APBB2: variants seen among roughly 807,000 people sequenced by gnomAD.
APBB2 encodes Fe65-like 1.
In APBB2, 38 loss-of-function variants were observed where a neutral mutation model predicts 82.5. The observed-to-expected ratio is 0.46, with a 90% CI of 0.36 to 0.60. APBB2 has a LOEUF of 0.60. Ranked by LOEUF, APBB2 falls within the 20% of genes least tolerant of loss-of-function variation. The probability of loss-of-function intolerance (pLI) is 0.00; values close to 1 mark genes in which losing one functional copy is unlikely to be tolerated. For synonymous variants in APBB2, 341 were observed against 368.2 expected (o/e 0.93, Z 0.85); for missense variants, 772 against 972.3 (o/e 0.79, Z 2.74).
At chr4:41,071,127 T>TC (rs778893538) in intron 3 of APBB2, among the ~76,000 whole-genome samples, 18 of 152,234 alleles carry the variant, frequency 1.2e-4, no homozygotes, top group Non-Finnish European at 2.2e-4. Flanking sequence ...AGCCACTAGT[T>TC]CTACAATGCT....
chr4:41,015,290 G>C (rs982440916), intron 5 of APBB2, among the ~76,000 whole-genome samples: 1 of 152,186 alleles, frequency 6.6e-6, no homozygotes, highest in South Asian at 2.1e-4. Flanking sequence ...AGGTTTCTTA[G>C]ACTAGAAGGG....
intron 4 of APBB2, among the ~76,000 whole-genome samples, chr4:41,039,833 C>CT (rs1720652466): frequency 1.3e-5 from 1 of 77,872 alleles, no homozygotes; most frequent in Non-Finnish European, 2.8e-5. Flanking sequence ...GAGACCTTGT[C>CT]TCAAAAAAAA....
intron 1 of APBB2, among the ~76,000 whole-genome samples, chr4:41,211,958 T>TA (rs1779429523): frequency 6.6e-6 from 1 of 152,146 alleles, no homozygotes; most frequent in African/African-American, 2.4e-5. Flanking sequence ...ATCACCTAGG[T>TA]ATTAAGCCCA....
chr4:40,880,685 C>G lies in APBB2; in HGVS notation c.1529+9679G>C, dbSNP rs149489705. The G allele has an allele frequency of 2.8e-4, 280 of 985,436 alleles. 1 individual carries two copies. The African/African-American group carries it at 4.5e-3, about 16-fold the overall frequency. The allele number at this position is 985,436 out of a possible 1,614,324, so 61.0% of individuals were successfully genotyped here. On this transcript the variant is annotated intron_variant, in intron 12 of 17. Transcript: ENST00000508593. The stretch of plus-strand genomic sequence containing the variant: ...TCAAACATGATAGATCTCCCTCGCT[C>G]TGCATCCAGAAAGGCCCATCCTTTG...
intron 17 of APBB2, among the ~76,000 whole-genome samples, chr4:40,821,072 G>A (rs1035678651): frequency 1.3e-5 from 2 of 152,048 alleles, no homozygotes; most frequent in African/African-American, 4.8e-5. Context: ...TCTCCATTTG[G>A]TCAGGCTGGT....
rs57253600 is a variant in APBB2, at chr4:40,864,290, A to AC, written c.1529+26073_1529+26074insG. ...ACAAAACAAAACAAAACAAAACAAA[A>AC]AAACCACTGTGTACCTGATTATTGC... On this transcript the variant is annotated intron_variant, in intron 12 of 17. Transcript: ENST00000508593. 2.3e-4 allele frequency among the ~76,000 whole-genome samples: 34 copies of AC among 150,872 alleles called. No homozygotes were observed. In the East Asian group the frequency reaches 2.9e-3, roughly 13 times the overall value.
chr4:41,043,653 C>T (rs1198843951), intron 4 of APBB2, among the ~76,000 whole-genome samples: 2 of 152,182 alleles, frequency 1.3e-5, no homozygotes, highest in East Asian at 3.8e-4. Context: ...GAAGGCCCTC[C>T]ATGCCCTTCC....
chr4:40,963,523 C>T (rs879364617), intron 6 of APBB2, among the ~76,000 whole-genome samples: 7 of 152,236 alleles, frequency 4.6e-5, no homozygotes, highest in Non-Finnish European at 1.0e-4. Flanking sequence ...GCTGGGATTA[C>T]AGGCATGGGC....
chr4:40,850,015 T>C (rs564550960), intron 12 of APBB2, among the ~76,000 whole-genome samples: 1 of 152,330 alleles, frequency 6.6e-6, no homozygotes, highest in East Asian at 1.9e-4. Context: ...TGAGCCACCG[T>C]GCCCTGCTAC....
chr4:41,029,377 A>T (rs1443319609), intron 5 of APBB2, among the ~76,000 whole-genome samples: 4 of 152,252 alleles, frequency 2.6e-5, no homozygotes, highest in Non-Finnish European at 5.9e-5. Context: ...AGTTATCAAT[A>T]AGGCAGCTTG....
At chr4:40,844,061 C>T (rs1173964927) in intron 12 of APBB2, among the ~76,000 whole-genome samples, 2 of 152,222 alleles carry the variant, frequency 1.3e-5, no homozygotes, top group Non-Finnish European at 2.9e-5. Flanking sequence ...TTTAGAGGAA[C>T]AGGGAACATT....
chr4:40,953,941 C>T (rs1256923767), intron 6 of APBB2, among the ~76,000 whole-genome samples: 4 of 152,142 alleles, frequency 2.6e-5, no homozygotes, highest in African/African-American at 7.2e-5. Context: ...GGCGAAGAGC[C>T]CCACAAAGTC....
chr4:41,176,900 T>C (rs1252351666), intron 1 of APBB2, among the ~76,000 whole-genome samples: 1 of 152,024 alleles, frequency 6.6e-6, no homozygotes, highest in Non-Finnish European at 1.5e-5. Flanking sequence ...GAGCATGCCT[T>C]ACACCTCTAC....
At chr4:41,212,656 T>TTAC (rs1288207556) in intron 1 of APBB2, among the ~76,000 whole-genome samples, 2 of 152,184 alleles carry the variant, frequency 1.3e-5, no homozygotes, top group Admixed American at 6.5e-5. Context: ...AGAGACGTGG[T>TTAC]TACATCCAGT....
At chr4:40,948,760 TAAAAA>T (rs34662232) in intron 6 of APBB2, among the ~76,000 whole-genome samples, 1 of 83,358 alleles carries the variant, frequency 1.2e-5, no homozygotes, top group Non-Finnish European at 2.3e-5. Context: ...ACTCCCATCT[TAAAAA>T]AAAAAAAAAA....
intron 10 of APBB2, among the ~76,000 whole-genome samples, chr4:40,920,628 T>G (rs896600528): frequency 6.6e-6 from 1 of 152,026 alleles, no homozygotes; most frequent in Non-Finnish European, 1.5e-5. Context: ...TCCCAGCACT[T>G]TGGGAGGCCG....
intron 3 of APBB2, among the ~76,000 whole-genome samples, chr4:41,086,730 A>C (rs1314663524): frequency 6.6e-6 from 1 of 152,220 alleles, no homozygotes; most frequent in African/African-American, 2.4e-5. Flanking sequence ...TAAATGACTG[A>C]AAGCTTTTCC....
At chr4:40,917,399 G>T (rs1444803302) in intron 10 of APBB2, among the ~76,000 whole-genome samples, 1 of 152,072 alleles carries the variant, frequency 6.6e-6, no homozygotes, top group African/African-American at 2.4e-5. Context: ...TGAACAGTGG[G>T]GTCCTCTGTC....
chr4:40,819,051 C>T (rs867509306), intron 17 of APBB2, among the ~76,000 whole-genome samples: 11 of 151,850 alleles, frequency 7.2e-5, no homozygotes, highest in African/African-American at 2.2e-4. Flanking sequence ...GGGGGGGCGG[C>T]GGTCAGAGAA....
Sources: allele counts gnomAD v4.1 joint callset (sites outside exome capture counted in the v4.1 genomes callset), GRCh38; gene constraint gnomAD v4.1.1; transcripts MANE v1.5; gene names NCBI Gene and HGNC (gene_info 2026-07-23, HGNC 2026-07-21).